The following DMBT1 variants were observed in gnomAD, a reference collection of about 807,000 sequenced individuals.
DMBT1 encodes the protein deleted in malignant brain tumors 1, also known as scavenger receptor cysteine-rich domain-containing protein DMBT1.
In DMBT1, 198 loss-of-function variants were observed where a neutral mutation model predicts 252.9. The observed-to-expected ratio is 0.78, with a 90% CI of 0.70 to 0.88. The LOEUF (loss-of-function observed/expected upper bound fraction) is 0.88. Ranked by LOEUF, DMBT1 falls within the 40% of genes least tolerant of loss-of-function variation. DMBT1 has a pLI of 0.00. For synonymous variants in DMBT1, 990 were observed against 942.7 expected, an observed-to-expected ratio of 1.05 and a Z score of -0.92; for missense variants, 2,432 against 2,404.7, an observed-to-expected ratio of 1.01 and a Z score of -0.24.
chr10:122,636,161 G>A lies in DMBT1; in HGVS notation c.6719G>A (p.Arg2240Gln), dbSNP rs201259183. The A allele has an allele frequency of 1.6e-4, 253 of 1,613,880 alleles. 2 individuals carry two copies. In the African/African-American group the frequency reaches 2.7e-3, roughly 17 times the overall value. Reference sequence around the variant, plus strand: ...CACAGCATCACAAGGAGAGGGTTCCGGGCTGAGTACTACTCCAGTCCCTCC... The same window carrying A: ...CACAGCATCACAAGGAGAGGGTTCCAGGCTGAGTACTACTCCAGTCCCTCC... ...SDHSITRRGFRAEYYSSPSND... is the reference protein window; with the variant it reads ...SDHSITRRGFQAEYYSSPSND... Residue 2240 changes from arginine (R) to glutamine (Q), a missense_variant, in exon 53 of 56, where the codon CGG (arginine) becomes CAG (glutamine). Around this residue, in one of 3 missense-constraint regions of DMBT1, gnomAD observed 1,162 missense variants for 1,169.0 expected, o/e 0.99. Coordinates refer to ENST00000338354, the MANE Select transcript of DMBT1 (RefSeq NM_001377530.1).
chr10:122,586,125 G>T lies in DMBT1; in HGVS notation c.1525G>T (p.Val509Phe). 6.3e-7 allele frequency: 1 copy of T among 1,589,072 alleles called. No homozygotes were observed. The highest frequency in any genetic ancestry group is 8.6e-7 in the Non-Finnish European group (1 of 1,166,058). Residue 509 changes from valine to phenylalanine, a missense_variant, in exon 16 of 56, where the codon GTC (valine) becomes TTC (phenylalanine). Coordinates refer to ENST00000338354, the MANE Select transcript of DMBT1 (RefSeq NM_001377530.1). ...TGACAGGTGTCAGGGCCGAGTGGAG[G>T]TCCTATACCGAGGCTCCTGGGGCAC... ...GGDRCQGRVEVLYRGSWGTVC... is the reference protein window; with the variant it reads ...GGDRCQGRVEFLYRGSWGTVC...
At chr10:122,630,627 C>T (rs1186162354) in intron 48 of DMBT1, 137 bp downstream of exon 48, 2 of 994,240 alleles carry the variant, frequency 2.0e-6, no homozygotes, top group Non-Finnish European at 2.9e-6. Flanking sequence ...TTGGCACTGA[C>T]TGTGTGGGCA....
intron 45 of DMBT1, among the ~76,000 whole-genome samples, 159 bp from the exon 46 acceptor site, chr10:122,625,774 T>C (rs144723596): frequency 3.6e-3 from 545 of 152,364 alleles, no homozygotes; most frequent in Middle Eastern, 6.8e-3. Context: ...TGCTACATAC[T>C]CTAGACCTTA....
intron 47 of DMBT1, 64 bp downstream of exon 47, chr10:122,630,057 CTG>C: frequency 2.5e-6 from 4 of 1,597,002 alleles, no homozygotes; most frequent in Non-Finnish European, 3.4e-6. Flanking sequence ...CTGGTTTAGA[CTG>C]TGTCCTGGGC....
intron 20 of DMBT1, among the ~76,000 whole-genome samples, chr10:122,592,832 A>C: frequency 6.7e-6 from 1 of 148,602 alleles, no homozygotes; most frequent in East Asian, 2.1e-4. Context: ...CCCCTTCCTG[A>C]GGCAGTGCAA....
At chr10:122,574,313 C>A (rs143861517) in intron 6 of DMBT1, among the ~76,000 whole-genome samples, 1 of 152,334 alleles carries the variant, frequency 6.6e-6, no homozygotes, top group Admixed American at 6.5e-5. Context: ...ATAGTCAATA[C>A]ATCCTGGGAT....
chr10:122,591,395 G>T, intron 18 of DMBT1, 84 bp from the exon 19 acceptor site: 1 of 1,403,210 alleles, frequency 7.1e-7, no homozygotes, highest in Non-Finnish European at 1.0e-6. Flanking sequence ...TATTCATGAT[G>T]CTTGCCTTGT....
chr10:122,592,507 A>C lies in DMBT1; in HGVS notation c.2412A>C (p.Gly804=), dbSNP rs544960589. Residue 804 remains glycine, a synonymous_variant, in exon 20 of 56, where the codon GGA becomes GGC. Transcript: ENST00000338354. ...PIVLDDVRCS[G]HESYLWSCPH... ...TTCTGGATGATGTGCGCTGCTCAGG[A>C]CACGAGTCCTACCTGTGGAGCTGCC... 6.0e-5 allele frequency: 95 copies of C among 1,588,100 alleles called. 17 individuals are homozygous for C. The East Asian group carries it at 1.8e-3, about 29-fold the overall frequency.
In DMBT1 at chr10:122,579,897, C is replaced by A; in HGVS notation, c.999C>A (p.Cys333Ter). Residue 333 changes from cysteine to a stop codon, truncating the protein, a stop_gained, in exon 10 of 56, where the codon TGC becomes TGA. Transcript: ENST00000338354. LOFTEE classifies it high-confidence loss of function. ...ATAGTGAAGACGCTGGTGTCATCTGCTCAGGTGGGCCTTCAAGAACTTGGG... is the reference window on the plus strand; with the variant it reads ...ATAGTGAAGACGCTGGTGTCATCTGATCAGGTGGGCCTTCAAGAACTTGGG... ...CGHSEDAGVI[C>*]SAPQSRPTPS... 6.2e-7 allele frequency: 1 copy of A among 1,613,862 alleles called. No homozygotes were observed. The highest frequency in any genetic ancestry group is 8.5e-7 in the Non-Finnish European group (1 of 1,179,774).
chr10:122,640,247 G>A lies in DMBT1; in HGVS notation c.7150G>A (p.Val2384Met), dbSNP rs183135544. The A allele has an allele frequency of 2.7e-3, 4,338 of 1,614,024 alleles. 11 individuals carry two copies. Among genetic ancestry groups the A allele is most frequent in the Non-Finnish European group, 3.2e-3 (3,812 of 1,179,900 alleles). Reference protein sequence around the residue: ...VEEVQYGNFDVNISFYTSSSF... With the variant: ...VEEVQYGNFDMNISFYTSSSF... The stretch of plus-strand genomic sequence containing the variant: ...GGAAGTCCAGTATGGCAATTTTGAC[G>A]TGAACATTTCCTTTTATACTTCCTC... The change falls in exon 55 of 56, where the codon GTG (valine) becomes ATG (methionine). Residue 2384 changes from valine (V) to methionine (M), a missense_variant. This residue lies in a region of DMBT1 where 1,162 missense variants were observed against 1,169.0 expected (regional missense o/e 0.99). Transcript: ENST00000338354.
intron 8 of DMBT1, among the ~76,000 whole-genome samples, chr10:122,578,360 C>G (rs1191081746): frequency 1.3e-5 from 2 of 152,192 alleles, no homozygotes; most frequent in South Asian, 2.1e-4. Flanking sequence ...TGATTTCCCC[C>G]AGGGCGGACC....
chr10:122,641,765 A>G (rs572248687), intron 55 of DMBT1, among the ~76,000 whole-genome samples: 1 of 152,310 alleles, frequency 6.6e-6, no homozygotes, highest in African/African-American at 2.4e-5. Context: ...TTTGCTGGGA[A>G]GACGGGGATG....
rs1184144498 is a variant in DMBT1 at position 122,576,411 on chromosome 10, G to T, written c.296G>T (p.Gly99Val). 1 of 1,613,842 alleles carries T rather than the reference G, an allele frequency of 6.2e-7. No individual in the cohort carries two copies. Among genetic ancestry groups the T allele is most frequent in the Non-Finnish European group, 8.5e-7 (1 of 1,179,796 alleles). ...TGCCTTCCTCTAGGATCTGATTCTG[G>T]TTTGGCCCTGAGGCTGGTGAATGGA... ...ESTVAEGSDSGLALRLVNGDG... is the reference protein window; with the variant it reads ...ESTVAEGSDSVLALRLVNGDG... Residue 99 changes from glycine to valine, a missense_variant, in exon 7 of 56, where the codon GGT (glycine) becomes GTT (valine). Gly to Val is a moderately radical substitution (Grantham distance 109). Around this residue, in one of 3 missense-constraint regions of DMBT1, gnomAD observed 1,264 missense variants for 1,082.2 expected, o/e 1.17. Transcript: ENST00000338354.
At chr10:122,618,380 A>C (rs753253767) in intron 41 of DMBT1, 40 bp downstream of exon 41, 1 of 1,613,484 alleles carries the variant, frequency 6.2e-7, no homozygotes, top group Admixed American at 1.7e-5. Flanking sequence ...CTTAAGTTGA[A>C]GTTTGCTCAG....
chr10:122,592,133 C>A lies in DMBT1; in HGVS notation c.2177-139C>A, dbSNP rs577193766. On this transcript the variant is annotated intron_variant, in intron 19 of 55. Transcript: ENST00000338354. The stretch of plus-strand genomic sequence containing the variant: ...CTCCTTCCAGTATGATGAAGCTGAA[C>A]CTCTGGTTGCAGTCGTATTCAATCG... The A allele has an allele frequency of 2.1e-4, 283 of 1,379,948 alleles. 25 individuals are homozygous for A. Among genetic ancestry groups the A allele is most frequent in the Non-Finnish European group, 2.6e-4 (261 of 1,015,974 alleles). The allele number at this position is 1,379,948 out of a possible 1,614,324, so 85.5% of individuals were successfully genotyped here. A position where few individuals can be genotyped will look rare whatever the true frequency, so the allele number is the denominator to read the frequency against.
At chr10:122,580,742 C>G in intron 10 of DMBT1, 124 bp from the exon 11 acceptor site, 1 of 1,371,494 alleles carries the variant, frequency 7.3e-7, no homozygotes, top group Middle Eastern at 1.8e-4. Context: ...CAATGTCCCT[C>G]CCTGTGTGAT....
chr10:122,625,153 C>A, intron 44 of DMBT1, 124 bp from the exon 45 acceptor site: 1 of 883,418 alleles, frequency 1.1e-6, no homozygotes, highest in Non-Finnish European at 1.9e-6. Flanking sequence ...TCTACTATTC[C>A]ACTCTCCTGG....
chr10:122,573,927 C>T lies in DMBT1; in HGVS notation c.283+165C>T, dbSNP rs183419973. On this transcript the variant is annotated intron_variant, in intron 6 of 55. Transcript: ENST00000338354. Reference sequence around the variant, plus strand: ...AGGTCTGAACAGGTATATCTTGCATCGATCATGTCTGAGACTGAGGAGGAA... The same window carrying T: ...AGGTCTGAACAGGTATATCTTGCATTGATCATGTCTGAGACTGAGGAGGAA... Among the ~76,000 whole-genome samples, 11 of 152,250 alleles carry T rather than the reference C, an allele frequency of 7.2e-5. No individual in the cohort carries two copies. The East Asian group carries it at 1.7e-3, about 24-fold the overall frequency.
chr10:122,618,298 C>T lies in DMBT1; in HGVS notation c.5173C>T (p.His1725Tyr). 6.2e-7 allele frequency: 1 copy of T among 1,613,846 alleles called. No individual in the cohort carries two copies. Among genetic ancestry groups the T allele is most frequent in the South Asian group, 1.1e-5 (1 of 91,078 alleles). ...WSCPHNGWLS[H>Y]NCGHHEDAGV... ...CTGCCCCCACAATGGCTGGCTCTCC[C>T]ACAACTGTGGCCATCATGAAGATGC... The change falls in exon 41 of 56, where the codon CAC (histidine) becomes TAC (tyrosine). Residue 1725 changes from histidine (H) to tyrosine (Y), a missense_variant. Around this residue, in one of 3 missense-constraint regions of DMBT1, gnomAD observed 1,162 missense variants for 1,169.0 expected, o/e 0.99. Coordinates refer to ENST00000338354, the MANE Select transcript of DMBT1 (RefSeq NM_001377530.1).
Sources: gnomAD v4.1 joint callset for allele counts (sites outside exome capture counted in the v4.1 genomes callset) on GRCh38, gnomAD v4.1.1 for gene constraint, gnomAD v4.1.1 regional missense constraint, MANE v1.5 for transcripts, NCBI Gene and HGNC (gene_info 2026-07-23, HGNC 2026-07-21) for gene names.